The following WDR88 variants were observed in gnomAD, a reference collection of about 807,000 sequenced individuals.
WDR88 encodes the protein WD repeat domain 88.
A neutral mutation model predicts 46.8 loss-of-function variants in WDR88; 40 were observed. That is an observed-to-expected ratio of 0.86 (90% confidence interval 0.66 to 1.11). The LOEUF (loss-of-function observed/expected upper bound fraction) is 1.11, where lower values mean the gene tolerates loss of function less well. Among genes scored for constraint, WDR88 ranks in the 50% most tolerant of loss-of-function variants. The pLI is 0.00. For missense variants in WDR88, 562 were observed against 602.4 expected, an observed-to-expected ratio of 0.93 and a Z score of 0.70; for synonymous variants, 235 against 240.7, an observed-to-expected ratio of 0.98 and a Z score of 0.22.
At chr19:33,169,392 A>T (rs928027635) in intron 9 of WDR88, among the ~76,000 whole-genome samples, 2 of 152,202 alleles carry the variant, frequency 1.3e-5, no homozygotes, top group African/African-American at 4.8e-5. Flanking sequence ...AAAACTCAAC[A>T]ACAAAAAACA....
chr19:33,153,907 T>A (rs59567910), intron 6 of WDR88, among the ~76,000 whole-genome samples: 1 of 152,126 alleles, frequency 6.6e-6, no homozygotes, highest in South Asian at 2.1e-4. Flanking sequence ...TTCTGAAGTG[T>A]AATTATGTGT....
intron 2 of WDR88, chr19:33,142,820 A>G (rs1973425569): frequency 7.2e-6 from 1 of 138,120 alleles, no homozygotes; most frequent in African/African-American, 2.7e-5. Context: ...AGGCTGGCCA[A>G]TATGGTGAAA....
intron 9 of WDR88, among the ~76,000 whole-genome samples, chr19:33,165,691 G>A (rs1295038037): frequency 2.6e-5 from 4 of 151,788 alleles, no homozygotes; most frequent in Non-Finnish European, 2.9e-5. Flanking sequence ...TCAGGAGTCC[G>A]AGACCAGCCT....
intron 1 of WDR88, among the ~76,000 whole-genome samples, chr19:33,133,615 G>C (rs1049561505): frequency 2.4e-4 from 37 of 152,214 alleles, no homozygotes; most frequent in African/African-American, 8.9e-4. Context: ...AGATGTCAGA[G>C]TGTGTTTTTA....
At chr19:33,153,587 C>T (rs371702227) in intron 6 of WDR88, among the ~76,000 whole-genome samples, 255 of 152,142 alleles carry the variant, frequency 1.7e-3, no homozygotes, top group African/African-American at 5.8e-3. Flanking sequence ...CTCCGCCTCC[C>T]GGGTTCAAGC....
intron 5 of WDR88, 79 bp downstream of exon 5, chr19:33,148,989 T>C: frequency 6.3e-7 from 1 of 1,586,354 alleles, no homozygotes; most frequent in Non-Finnish European, 8.6e-7. Flanking sequence ...TGACCTTCCA[T>C]TGCTTTATTT....
At chr19:33,166,067 C>T (rs1973947762) in intron 9 of WDR88, among the ~76,000 whole-genome samples, 1 of 151,616 alleles carries the variant, frequency 6.6e-6, no homozygotes, top group African/African-American at 2.4e-5. Flanking sequence ...GGAGACCAGC[C>T]TTGGCAACAT....
At chr19:33,135,521 C>T (rs779792361) in intron 1 of WDR88, among the ~76,000 whole-genome samples, 12 of 152,036 alleles carry the variant, frequency 7.9e-5, no homozygotes, top group Non-Finnish European at 1.5e-4. Flanking sequence ...CAGGTTCAAG[C>T]GATTCTCCAG....
In WDR88 at chr19:33,137,543, C is replaced by A. The variant is rs141401012; in HGVS notation, c.277-134C>A. On this transcript the variant is annotated intron_variant, in intron 1 of 10. Coordinates refer to ENST00000355868, the MANE Select transcript of WDR88 (RefSeq NM_173479.4). ...GCTGGGATTACAGACGTGAACCACCCCCCTGGCCAGAATTTTTTAAATTCA... is the reference window on the plus strand; with the variant it reads ...GCTGGGATTACAGACGTGAACCACCACCCTGGCCAGAATTTTTTAAATTCA... 1.5e-4 allele frequency: 111 copies of A among 746,988 alleles called. 1 individual carries two copies. Among genetic ancestry groups the A allele is most frequent in the Admixed American group, 1.2e-3 (44 of 37,178 alleles). The allele number at this position is 746,988 out of a possible 1,614,324, so 46.3% of individuals were successfully genotyped here.
At chr19:33,168,518 A>G (rs1038409511) in intron 9 of WDR88, among the ~76,000 whole-genome samples, 17 of 152,218 alleles carry the variant, frequency 1.1e-4, no homozygotes, top group Non-Finnish European at 2.4e-4. Flanking sequence ...TCCATTTACA[A>G]TGGCATATAA....
At position 33,132,241 on chromosome 19, in the gene WDR88, CGCCAGCGAGTATTGT is replaced by C. The variant is rs1011380441; in HGVS notation, c.73_87del (p.Ala25_Cys29del). The C allele has an allele frequency of 6.2e-7, 1 of 1,611,856 alleles. No individual in the cohort carries two copies. ...GCAAGTTGCCGCCACCCTCCGCCCC[CGCCAGCGAGTATTGT>C]CCCGGCAAGCTGTCCTGGGGGACCA... On this transcript the variant is annotated inframe_deletion, in exon 1 of 11. Transcript: ENST00000355868.
At chr19:33,133,268 C>T (rs1208346617) in intron 1 of WDR88, among the ~76,000 whole-genome samples, 3 of 151,918 alleles carry the variant, frequency 2.0e-5, no homozygotes, top group African/African-American at 7.2e-5. Context: ...GAAAAACTGG[C>T]TGGGTGCAGT....
chr19:33,157,446 CAA>C (rs2145401693), intron 7 of WDR88, among the ~76,000 whole-genome samples: 1 of 144,344 alleles, frequency 6.9e-6, no homozygotes. Flanking sequence ...TGCAGTGAGC[CAA>C]GATTGCACCA....
In WDR88 at chr19:33,148,774, G is replaced by A. The variant is rs1428168027; in HGVS notation, c.543G>A (p.Trp181Ter). ...TTTTGATTGCTGGCTCATTTCAGTGGAAGGTCAGGTATGATACCTTCATCG... is the reference window on the plus strand; with the variant it reads ...TTTTGATTGCTGGCTCATTTCAGTGAAAGGTCAGGTATGATACCTTCATCG... ...AWDLETGKLLWKVRYDTFIVS... is the reference protein window; with the variant it reads ...AWDLETGKLL Residue 181 changes from tryptophan (W) to a stop codon, truncating the protein, a stop_gained and splice_region_variant, in exon 5 of 11, where the codon TGG (tryptophan) becomes TGA (stop). Coordinates refer to ENST00000355868, the MANE Select transcript of WDR88 (RefSeq NM_173479.4). LOFTEE classifies it high-confidence loss of function. 1.2e-6 allele frequency: 2 copies of A among 1,614,096 alleles called. No individual in the cohort carries two copies. Among genetic ancestry groups the A allele is most frequent in the Non-Finnish European group, 1.7e-6 (2 of 1,180,014 alleles).
intron 2 of WDR88, among the ~76,000 whole-genome samples, chr19:33,142,960 C>T (rs531316766): frequency 6.6e-6 from 1 of 151,638 alleles, no homozygotes; most frequent in South Asian, 2.1e-4. Flanking sequence ...ATCCCATCCC[C>T]TGGGCAATGA....
In WDR88 at chr19:33,157,527, A is replaced by ATATATATATATGTATATATATGTG. The variant is rs1568367288; in HGVS notation, c.997+996_997+997insGTATATATATGTGTATATATATAT. 3.5e-3 allele frequency among the ~76,000 whole-genome samples: 164 copies of ATATATATATATGTATATATATGTG among 46,456 alleles called. 1 individual carries two copies. Among genetic ancestry groups the ATATATATATATGTATATATATGTG allele is most frequent in the African/African-American group, 0.024 (74 of 3,136 alleles). 30.5% of individuals were successfully genotyped at this position (46,456 alleles called of 152,430 possible). On this transcript the variant is annotated intron_variant, in intron 7 of 10. Coordinates refer to ENST00000355868, the MANE Select transcript of WDR88 (RefSeq NM_173479.4). The stretch of plus-strand genomic sequence containing the variant: ...TATATATATATGTATATATATGTGT[A>ATATATATATATGTATATATATGTG]TATATATATATATGTATATATATGT...
intron 1 of WDR88, among the ~76,000 whole-genome samples, chr19:33,133,818 G>A (rs1973190273): frequency 6.6e-6 from 1 of 152,162 alleles, no homozygotes; most frequent in African/African-American, 2.4e-5. Context: ...ACGGTATTGC[G>A]CTCTTGGGGA....
At chr19:33,161,387 C>T (rs202181798) in intron 8 of WDR88, among the ~76,000 whole-genome samples, 97 of 152,202 alleles carry the variant, frequency 6.4e-4, no homozygotes, top group Non-Finnish European at 8.7e-4. Context: ...TTGCCTCATG[C>T]TGTGCCCCTG....
chr19:33,156,293 T>A (rs1223982417), intron 6 of WDR88, 62 bp from the exon 7 acceptor site: 1 of 1,535,160 alleles, frequency 6.5e-7, no homozygotes, highest in Non-Finnish European at 8.8e-7. Context: ...CGGCTTTAGG[T>A]ATGTCTTCAG....
Sources: gnomAD v4.1 joint callset for allele counts (sites outside exome capture counted in the v4.1 genomes callset) on GRCh38, gnomAD v4.1.1 for gene constraint, MANE v1.5 for transcripts, NCBI Gene and HGNC (gene_info 2026-07-23, HGNC 2026-07-21) for gene names.